The following EFR3A variants were observed in gnomAD, a reference collection of about 807,000 sequenced individuals.
The protein encoded by EFR3A is protein EFR3 homolog A.
EFR3A carries 76 observed loss-of-function variants against 104.4 expected under a neutral mutation model. The ratio of observed to expected loss-of-function variants is 0.73; its 90% CI spans 0.60 to 0.88. EFR3A has a LOEUF of 0.88. EFR3A is among the 40% of genes least tolerant of loss of function. EFR3A has a pLI of 0.00. For missense variants in EFR3A, 985 were observed against 1,012.5 expected, an observed-to-expected ratio of 0.97 and a Z score of 0.37; for synonymous variants, 330 against 330.0, an observed-to-expected ratio of 1.00 and a Z score of 0.00.
At chr8:132,000,149 G>A (rs1435440415) in intron 19 of EFR3A, among the ~76,000 whole-genome samples, 1 of 152,112 alleles carries the variant, frequency 6.6e-6, no homozygotes, top group Non-Finnish European at 1.5e-5. Flanking sequence ...TGTTTTTTGA[G>A]ACGGAGTCTT....
At chr8:131,984,107 A>C (rs751413163) in intron 14 of EFR3A, 32 bp from the exon 15 acceptor site, 2 of 1,558,558 alleles carry the variant, frequency 1.3e-6, no homozygotes, top group East Asian at 4.5e-5. Context: ...TTTTAAGCAA[A>C]ATTACCTTTG....
chr8:132,008,781 G>T (rs1822166757), intron 22 of EFR3A, among the ~76,000 whole-genome samples: 1 of 139,542 alleles, frequency 7.2e-6, no homozygotes, highest in Non-Finnish European at 1.5e-5. Context: ...AGGAGGTGGA[G>T]GTTACAGTGA....
chr8:131,970,437 T>C (rs974322705), intron 9 of EFR3A, 39 bp from the exon 10 acceptor site: 3 of 1,585,884 alleles, frequency 1.9e-6, no homozygotes, highest in East Asian at 2.2e-5. Context: ...TATGCAATAC[T>C]AGAAACATGT....
At chr8:131,943,469 C>T (rs1033638474) in intron 2 of EFR3A, among the ~76,000 whole-genome samples, 5 of 151,802 alleles carry the variant, frequency 3.3e-5, no homozygotes, top group Non-Finnish European at 7.4e-5. Context: ...AGAAGAGAGG[C>T]TAACTAACTG....
intron 1 of EFR3A, among the ~76,000 whole-genome samples, chr8:131,932,764 CTT>C (rs1817673535): frequency 1.3e-5 from 2 of 152,042 alleles, no homozygotes; most frequent in South Asian, 4.1e-4. Context: ...TAGGGAAACA[CTT>C]TATTTTTGCC....
At chr8:131,976,934 A>C in intron 11 of EFR3A, 107 bp from the exon 12 acceptor site, 1 of 744,098 alleles carries the variant, frequency 1.3e-6, no homozygotes. Context: ...TTACAAAAAT[A>C]AAATCTATTT....
chr8:131,964,731 G>A (rs1205105817), intron 8 of EFR3A, among the ~76,000 whole-genome samples: 1 of 152,020 alleles, frequency 6.6e-6, no homozygotes, highest in South Asian at 2.1e-4. Context: ...AGTTCATATG[G>A]AACCAAAAAA....
intron 1 of EFR3A, among the ~76,000 whole-genome samples, chr8:131,908,170 C>T (rs187464405): frequency 5.3e-5 from 8 of 151,962 alleles, no homozygotes; most frequent in African/African-American, 1.9e-4. Context: ...AAGCAGTTCT[C>T]CTGTCTCAGC....
chr8:132,003,006 G>A (rs569081319), intron 21 of EFR3A, among the ~76,000 whole-genome samples: 2 of 151,970 alleles, frequency 1.3e-5, no homozygotes, highest in South Asian at 4.2e-4. Flanking sequence ...TGTTTTATGT[G>A]TTTGTTGATA....
chr8:131,904,221 C>T lies in EFR3A; in HGVS notation c.-92C>T. ...TCGCCCTTCGCCTCGTTCCGGCCTC[C>T]GCGGCCCAGCAACGGCCGTCATGGT... On this transcript the variant is annotated 5_prime_UTR_variant, in exon 1 of 23. Coordinates refer to ENST00000254624, the MANE Select transcript of EFR3A (RefSeq NM_015137.6). 2 of 1,243,612 alleles carry T rather than the reference C, an allele frequency of 1.6e-6. No individual in the cohort carries two copies. The highest frequency in any genetic ancestry group is 2.0e-6 in the Non-Finnish European group (2 of 987,788). 77.0% of individuals were successfully genotyped at this position (1,243,612 alleles called of 1,614,324 possible).
At chr8:131,932,459 G>T (rs555553502) in intron 1 of EFR3A, among the ~76,000 whole-genome samples, 113 of 152,208 alleles carry the variant, frequency 7.4e-4, no homozygotes, top group African/African-American at 2.7e-3. Flanking sequence ...GTCCTTTACA[G>T]GAAATATTTA....
rs1310822698 is a variant in EFR3A at position 132,012,301 on chromosome 8, CAG to C, written c.*1408_*1409del. 1 of 152,020 alleles carries C rather than the reference CAG, an allele frequency of 6.6e-6. No individual in the cohort carries two copies. The highest frequency in any genetic ancestry group is 2.4e-5 in the African/African-American group (1 of 41,376). The allele number at this position is 152,020 out of a possible 1,614,324, so 9.4% of individuals were successfully genotyped here. A position where few individuals can be genotyped will look rare whatever the true frequency, so the allele number is the denominator to read the frequency against. On this transcript the variant is annotated 3_prime_UTR_variant, in exon 23 of 23. Coordinates refer to ENST00000254624, the MANE Select transcript of EFR3A (RefSeq NM_015137.6). ...GCTATTTGGGCACCTTTAGTAGAAA[CAG>C]ACAAAAGTAAGGAAACGATAATAGG...
At chr8:132,005,157 C>T (rs960125836) in intron 22 of EFR3A, among the ~76,000 whole-genome samples, 8 of 152,092 alleles carry the variant, frequency 5.3e-5, no homozygotes, top group African/African-American at 1.7e-4. Flanking sequence ...AACAGACATA[C>T]ATGGAAGTTA....
At chr8:131,930,174 A>G (rs1006122470) in intron 1 of EFR3A, among the ~76,000 whole-genome samples, 1 of 152,270 alleles carries the variant, frequency 6.6e-6, no homozygotes, top group East Asian at 1.9e-4. Context: ...TCATTCATTT[A>G]ACAAATAGAT....
intron 5 of EFR3A, among the ~76,000 whole-genome samples, chr8:131,952,704 GCTTTGAAATAGGCAAAATTTGC>G (rs1353004220): frequency 2.0e-5 from 3 of 152,078 alleles, no homozygotes; most frequent in Non-Finnish European, 4.4e-5. Flanking sequence ...TATAGACACG[GCTTTGAAATAGGCAAAATTTGC>G]CTTTGTGTCT....
At position 132,011,523 on chromosome 8, in the gene EFR3A, A is replaced by G; in HGVS notation, c.*628A>G. 3 of 727,410 alleles carry G rather than the reference A, an allele frequency of 4.1e-6. No homozygotes were observed. Among genetic ancestry groups the G allele is most frequent in the Non-Finnish European group, 5.0e-6 (3 of 594,154 alleles). The allele number at this position is 727,410 out of a possible 1,614,324, so 45.1% of individuals were successfully genotyped here. On this transcript the variant is annotated 3_prime_UTR_variant, in exon 23 of 23. Coordinates refer to ENST00000254624, the MANE Select transcript of EFR3A (RefSeq NM_015137.6). ...TAACCCTAAAAACGCCATACTTTAAATTGTCTGGTTCTTGTAATATTGTGT... is the reference window on the plus strand; with the variant it reads ...TAACCCTAAAAACGCCATACTTTAAGTTGTCTGGTTCTTGTAATATTGTGT...
At chr8:132,007,802 A>G (rs1218356267) in intron 22 of EFR3A, among the ~76,000 whole-genome samples, 1 of 152,058 alleles carries the variant, frequency 6.6e-6, no homozygotes, top group Non-Finnish European at 1.5e-5. Context: ...AGTCCTATCA[A>G]AAACTTAAGT....
chr8:131,985,225 T>C (rs1426171556), intron 16 of EFR3A, among the ~76,000 whole-genome samples, 165 bp downstream of exon 16: 2 of 152,166 alleles, frequency 1.3e-5, no homozygotes, highest in Non-Finnish European at 2.9e-5. Flanking sequence ...GTAGCTACTG[T>C]TTTTATATTT....
intron 3 of EFR3A, 30 bp downstream of exon 3, chr8:131,944,902 A>G (rs1326741571): frequency 6.3e-7 from 1 of 1,593,588 alleles, no homozygotes; most frequent in Admixed American, 1.8e-5. Context: ...CTAAAATAGT[A>G]TCTTTGGAAA....
Sources: gnomAD v4.1 joint callset for allele counts (sites outside exome capture counted in the v4.1 genomes callset) on GRCh38, gnomAD v4.1.1 for gene constraint, MANE v1.5 for transcripts, NCBI Gene and HGNC (gene_info 2026-07-23, HGNC 2026-07-21) for gene names.